Variants in CIB2 observed in about 807,000 individuals in gnomAD.
CIB2 encodes calcium and integrin binding family member 2.
In CIB2, 19 loss-of-function variants were observed where a neutral mutation model predicts 23.1. The ratio of observed to expected loss-of-function variants is 0.82; its 90% CI spans 0.57 to 1.21. The LOEUF is 1.21. CIB2 is among the 50% of genes most tolerant of loss of function. CIB2 has a pLI of 0.00. For missense variants in CIB2, 220 were observed against 241.5 expected (o/e 0.91, Z 0.59); for synonymous variants, 94 against 91.7 (o/e 1.03, Z -0.14).
intron 1 of CIB2, among the ~76,000 whole-genome samples, chr15:78,125,177 C>T (rs1422683131): frequency 6.6e-6 from 1 of 152,278 alleles, no homozygotes; most frequent in Non-Finnish European, 1.5e-5. Context: ...CCAACACAGA[C>T]AGAAAACTCC....
intron 2 of CIB2, among the ~76,000 whole-genome samples, chr15:78,113,591 C>T (rs1037009169): frequency 2.0e-5 from 3 of 150,458 alleles, no homozygotes; most frequent in Non-Finnish European, 1.5e-5. Flanking sequence ...AGTACAGTGG[C>T]GCGATCTCGG....
intron 2 of CIB2, among the ~76,000 whole-genome samples, chr15:78,119,326 G>T (rs1253093466): frequency 6.6e-6 from 1 of 152,056 alleles, no homozygotes; most frequent in South Asian, 2.1e-4. Context: ...ACCGTGTTTG[G>T]TTCATCTATT....
chr15:78,110,989 A>G (rs1168122758), intron 3 of CIB2, among the ~76,000 whole-genome samples, 176 bp downstream of exon 3: 2 of 152,184 alleles, frequency 1.3e-5, no homozygotes, highest in Non-Finnish European at 2.9e-5. Context: ...CAGAGCCCAC[A>G]TAGCTTATTT....
rs1370545417 is a variant in CIB2 at position 78,105,823 on chromosome 15, A to G, written c.458T>C (p.Ile153Thr). 6.2e-7 allele frequency: 1 copy of G among 1,614,168 alleles called. No individual in the cohort carries two copies. The highest frequency in any genetic ancestry group is 1.1e-5 in the South Asian group (1 of 91,090). The change falls in exon 5 of 6, where the codon ATT becomes ACT. Residue 153 changes from isoleucine (I) to threonine (T), a missense_variant. Coordinates refer to ENST00000258930, the MANE Select transcript of CIB2 (RefSeq NM_006383.4). ...GTCACCGTCCAAGTCAGCCTCCTCA[A>G]TGACCTTGTCGCACACAAGCACCAC... is the stretch of plus-strand genomic sequence containing the variant. ...EEVVLVCDKV[I>T]EEADLDGDGK...
At chr15:78,110,965 G>C (rs1442493956) in intron 3 of CIB2, among the ~76,000 whole-genome samples, 200 bp downstream of exon 3, 2 of 152,188 alleles carry the variant, frequency 1.3e-5, no homozygotes, top group Admixed American at 1.3e-4. Context: ...GGCCACTGAT[G>C]TACAGCACCC....
chr15:78,121,488 C>A (rs1366818403), intron 2 of CIB2, among the ~76,000 whole-genome samples: 3 of 152,182 alleles, frequency 2.0e-5, no homozygotes, highest in Non-Finnish European at 4.4e-5. Context: ...CAAATCTCAT[C>A]TTGAATTGTA....
chr15:78,105,003 C>G lies in CIB2; in HGVS notation c.*308G>C. 1 of 261,518 alleles carries G rather than the reference C, an allele frequency of 3.8e-6. No individual in the cohort carries two copies. Among genetic ancestry groups the G allele is most frequent in the Non-Finnish European group, 6.5e-6 (1 of 153,164 alleles). 16.2% of individuals were successfully genotyped at this position (261,518 alleles called of 1,614,324 possible). The stretch of plus-strand genomic sequence containing the variant: ...ACCTCCTGTTGGGTTATCTGCTTTT[C>G]CCTCTTTGGGGGGGTGGGGAGCATT... On this transcript the variant is annotated 3_prime_UTR_variant, in exon 6 of 6. Transcript: ENST00000258930.
At chr15:78,105,542 C>T (rs2074053691) in intron 5 of CIB2, 197 bp downstream of exon 5, 9 of 1,478,368 alleles carry the variant, frequency 6.1e-6, no homozygotes, top group Middle Eastern at 4.9e-4. Context: ...ACTGAAGGGG[C>T]CCCCAGGTCT....
At chr15:78,107,335 T>C (rs1468808175) in intron 4 of CIB2, among the ~76,000 whole-genome samples, 1 of 152,208 alleles carries the variant, frequency 6.6e-6, no homozygotes, top group Non-Finnish European at 1.5e-5. Flanking sequence ...TTGGGGTGAC[T>C]CTGCCCTGTC....
chr15:78,117,245 G>GAAAAAAAAAAAAAAAA (rs2074252471), intron 2 of CIB2, among the ~76,000 whole-genome samples: 1 of 13,692 alleles, frequency 7.3e-5, no homozygotes, highest in East Asian at 6.5e-3. Context: ...CAAGCTACTG[G>GAAAAAAAAAAAAAAAA]CAAAAAAAAA....
chr15:78,120,835 C>T lies in CIB2; in HGVS notation c.86+2870G>A, dbSNP rs990781365. ...GCAGGGAGCAGCTTACCAAGAAAAC[C>T]ATCCTGGTGGGGGTGGGGAGTAGCA... On this transcript the variant is annotated intron_variant, in intron 2 of 5. Transcript: ENST00000258930. The T allele has an allele frequency of 6.2e-6, 4 of 647,174 alleles. No homozygotes were observed. The African/African-American group carries it at 8.0e-5, about 13-fold the overall frequency. The allele number at this position is 647,174 out of a possible 1,614,324, so 40.1% of individuals were successfully genotyped here. A position where few individuals can be genotyped will look rare whatever the true frequency, so the allele number is the denominator to read the frequency against.
chr15:78,117,320 G>GA (rs1185357206), intron 2 of CIB2, among the ~76,000 whole-genome samples: 8 of 140,580 alleles, frequency 5.7e-5, no homozygotes, highest in South Asian at 2.3e-4. Context: ...GGGGAACCCT[G>GA]AAAAAAAAGA....
intron 2 of CIB2, 67 bp downstream of exon 2, chr15:78,123,638 G>C (rs2074346838): frequency 6.4e-7 from 1 of 1,550,648 alleles, no homozygotes; most frequent in Non-Finnish European, 8.9e-7. Context: ...CAGCCCATGT[G>C]GGGTGCCCCA....
chr15:78,127,543 T>C (rs1213392596), intron 1 of CIB2, among the ~76,000 whole-genome samples: 1 of 152,184 alleles, frequency 6.6e-6, no homozygotes, highest in Admixed American at 6.5e-5. Flanking sequence ...CGAGCCTATA[T>C]TCACCCTATT....
At chr15:78,116,422 G>A (rs536059009) in intron 2 of CIB2, among the ~76,000 whole-genome samples, 15 of 150,110 alleles carry the variant, frequency 1.0e-4, no homozygotes, top group South Asian at 4.2e-4. Context: ...AGCCATGATC[G>A]CACCACTGCA....
In CIB2 at chr15:78,105,156, T is replaced by C. The variant is rs928155584; in HGVS notation, c.*155A>G. On this transcript the variant is annotated 3_prime_UTR_variant, in exon 6 of 6. Transcript: ENST00000258930. ...TAACCTTCACAGGCCCCCTTCCTGG[T>C]TAAGGTTTTTTTTTTGCTGAAAGGG... The C allele has an allele frequency of 1.9e-6, 2 of 1,044,296 alleles. No homozygotes were observed. Among genetic ancestry groups the C allele is most frequent in the South Asian group, 1.5e-5 (1 of 65,906 alleles). 64.7% of individuals were successfully genotyped at this position (1,044,296 alleles called of 1,614,324 possible). A position where few individuals can be genotyped will look rare whatever the true frequency, so the allele number is the denominator to read the frequency against.
At chr15:78,121,177 A>G (rs1158545671) in intron 2 of CIB2, among the ~76,000 whole-genome samples, 1 of 152,176 alleles carries the variant, frequency 6.6e-6, no homozygotes, top group African/African-American at 2.4e-5. Flanking sequence ...GGTGGGCAGC[A>G]AACTCCAGGT....
intron 1 of CIB2, among the ~76,000 whole-genome samples, chr15:78,126,558 A>G (rs2074384008): frequency 6.6e-6 from 1 of 152,206 alleles, no homozygotes; most frequent in Admixed American, 6.5e-5. Flanking sequence ...AAACAGAGCC[A>G]TGACCACTGT....
rs1234109712 is a variant in CIB2 at position 78,120,610 on chromosome 15, G to A, written c.86+3095C>T. The A allele has an allele frequency of 7.1e-6, 7 of 985,148 alleles. No homozygotes were observed. In the East Asian group the frequency reaches 5.7e-4, roughly 80 times the overall value. The allele number at this position is 985,148 out of a possible 1,614,324, so 61.0% of individuals were successfully genotyped here. On this transcript the variant is annotated intron_variant, in intron 2 of 5. Coordinates refer to ENST00000258930, the MANE Select transcript of CIB2 (RefSeq NM_006383.4). ...ACTGAATAGGGTGGGCTGCCCACTC[G>A]GCCTCAATGTGGGAATGCAGGAGCT... is the stretch of plus-strand genomic sequence containing the variant.
Sources: gnomAD v4.1 joint callset for allele counts (sites outside exome capture counted in the v4.1 genomes callset) on GRCh38, gnomAD v4.1.1 for gene constraint, MANE v1.5 for transcripts, NCBI Gene and HGNC (gene_info 2026-07-23, HGNC 2026-07-21) for gene names.